STX1A: variants seen among roughly 807,000 people sequenced by gnomAD.
STX1A encodes the protein syntaxin-1A.
STX1A carries 4 observed loss-of-function variants against 37.8 expected under a neutral mutation model. The observed-to-expected ratio is 0.11, with a 90% CI of 0.05 to 0.24. The LOEUF is 0.24. Among genes scored for constraint, STX1A ranks in the 10% least tolerant of loss-of-function variants. The probability of loss-of-function intolerance (pLI) is 1.00; values close to 1 mark genes in which losing one functional copy is unlikely to be tolerated. For missense variants in STX1A, 251 were observed against 399.9 expected (o/e 0.63, Z 3.18); for synonymous variants, 135 against 147.4 (o/e 0.92, Z 0.61).
In STX1A at chr7:73,717,114, C is replaced by T. The variant is rs1180134102; in HGVS notation, c.30+2488G>A. 1.3e-5 allele frequency among the ~76,000 whole-genome samples: 2 copies of T among 151,984 alleles called. No homozygotes were observed. Among genetic ancestry groups the T allele is most frequent in the Non-Finnish European group, 2.9e-5 (2 of 68,020 alleles). Reference sequence around the variant, plus strand: ...GCAGAGTGAGGAAACGCGCCAGCTCCTTCCCCAAGTGTGACTTTTATAAAT... The same window carrying T: ...GCAGAGTGAGGAAACGCGCCAGCTCTTTCCCCAAGTGTGACTTTTATAAAT... On this transcript the variant is annotated intron_variant, in intron 1 of 9. Transcript: ENST00000222812. This position sits in a 1 kb window ranked among gnomAD's most constrained non-coding sequence, Gnocchi z 4.1.
At chr7:73,712,534 A>G (rs1166631617) in intron 1 of STX1A, among the ~76,000 whole-genome samples, 5 of 152,050 alleles carry the variant, frequency 3.3e-5, no homozygotes, top group African/African-American at 1.2e-4. Flanking sequence ...TATTGGAGCC[A>G]TGGCTGAAAA....
Position 73,707,963 on chromosome 7 carries a change from A to G in STX1A, c.208+626T>C, listed in dbSNP as rs188332081. Among the ~76,000 whole-genome samples, 38 of 145,160 alleles carry G rather than the reference A, an allele frequency of 2.6e-4. No individual in the cohort carries two copies. The East Asian group carries it at 3.9e-3, about 15-fold the overall frequency. On this transcript the variant is annotated intron_variant, in intron 3 of 9. Transcript: ENST00000222812. ...AAAAAAAAAAAGAAAAAAGAAAAGA[A>G]AAAAGGAAAAAAGCCAGTTCGGCTG...
chr7:73,704,429 G>A lies in STX1A; in HGVS notation c.284-6C>T. On this transcript the variant is annotated splice_region_variant and splice_polypyrimidine_tract_variant and intron_variant, in intron 4 of 9. Coordinates refer to ENST00000222812, the MANE Select transcript of STX1A (RefSeq NM_004603.4). ...CTCGATGGACTGCTCGATGCCTGGG[G>A]GCACAGGTGGCTGCTAAGTCATAAC... is the stretch of plus-strand genomic sequence containing the variant. 6.2e-7 allele frequency: 1 copy of A among 1,614,110 alleles called. No homozygotes were observed. The highest frequency in any genetic ancestry group is 8.5e-7 in the Non-Finnish European group (1 of 1,180,020).
In STX1A at chr7:73,700,574, G is replaced by T. The variant is rs1196816141; in HGVS notation, c.790-90C>A. 2 of 1,537,172 alleles carry T rather than the reference G, an allele frequency of 1.3e-6. No individual in the cohort carries two copies. Among genetic ancestry groups the T allele is most frequent in the South Asian group, 1.2e-5 (1 of 86,038 alleles). ...CAAAGGCTGAGGACTGGACAGTCGG[G>T]GGGGATCCAAGCAGGGGAAGGTGAC... On this transcript the variant is annotated intron_variant, in intron 9 of 9. Transcript: ENST00000222812. The surrounding 1 kb of genome is among the most constrained non-coding windows in gnomAD (Gnocchi z 4.4).
rs1013774522 is a variant in STX1A at position 73,707,700 on chromosome 7, G to A, written c.208+889C>T. 5.3e-5 allele frequency among the ~76,000 whole-genome samples: 8 copies of A among 152,262 alleles called. No homozygotes were observed. The East Asian group carries it at 1.2e-3, about 22-fold the overall frequency. ...TGTAATCCCAGCACTTTGGGAGGCCGAGGCGGGCGGATCACCTGAGGTCGG... is the reference window on the plus strand; with the variant it reads ...TGTAATCCCAGCACTTTGGGAGGCCAAGGCGGGCGGATCACCTGAGGTCGG... On this transcript the variant is annotated intron_variant, in intron 3 of 9. Coordinates refer to ENST00000222812, the MANE Select transcript of STX1A (RefSeq NM_004603.4).
At position 73,706,419 on chromosome 7, in the gene STX1A, G is replaced by A. The variant is rs1040848502; in HGVS notation, c.209-1195C>T. Reference sequence around the variant, plus strand: ...GAGGCAGAGCCTGCCTTGCCCGGGAGAGCCCCCCACTCATTGCCATCTTTC... The same window carrying A: ...GAGGCAGAGCCTGCCTTGCCCGGGAAAGCCCCCCACTCATTGCCATCTTTC... On this transcript the variant is annotated intron_variant, in intron 3 of 9. Coordinates refer to ENST00000222812, the MANE Select transcript of STX1A (RefSeq NM_004603.4). This position sits in a 1 kb window ranked among gnomAD's most constrained non-coding sequence, Gnocchi z 4.6. Among the ~76,000 whole-genome samples the A allele has an allele frequency of 2.0e-5, 3 of 152,116 alleles. No homozygotes were observed. Among genetic ancestry groups the A allele is most frequent in the Admixed American group, 2.0e-4 (3 of 15,280 alleles).
rs2116745650 is a variant in STX1A, at chr7:73,706,840, A to G, written c.209-1616T>C. On this transcript the variant is annotated intron_variant, in intron 3 of 9. Coordinates refer to ENST00000222812, the MANE Select transcript of STX1A (RefSeq NM_004603.4). The surrounding 1 kb of genome is among the most constrained non-coding windows in gnomAD (Gnocchi z 4.6). ...AGACATCCGTCTCATGCTGCCATCC[A>G]ACAAATCTCTCAGGCAAGGAGCTCA... 6.6e-6 allele frequency among the ~76,000 whole-genome samples: 1 copy of G among 152,228 alleles called. No individual in the cohort carries two copies. The highest frequency in any genetic ancestry group is 2.1e-4 in the South Asian group (1 of 4,818).
intron 1 of STX1A, among the ~76,000 whole-genome samples, chr7:73,714,882 C>T (rs1001769417): frequency 2.0e-5 from 3 of 151,756 alleles, no homozygotes; most frequent in Non-Finnish European, 4.4e-5. Flanking sequence ...CCCAGCACTT[C>T]GGGAGGCCAA....
chr7:73,708,715 A>G (rs1798980029), intron 2 of STX1A, 27 bp from the exon 3 acceptor site: 2 of 1,608,826 alleles, frequency 1.2e-6, no homozygotes, highest in Non-Finnish European at 1.7e-6. Flanking sequence ...GGTGGTCAGG[A>G]GAAGGAAATC....
chr7:73,708,429 T>TC (rs1315378483), intron 3 of STX1A, among the ~76,000 whole-genome samples, 160 bp downstream of exon 3: 3 of 151,998 alleles, frequency 2.0e-5, no homozygotes, highest in African/African-American at 7.2e-5. Context: ...CAGCTGCATT[T>TC]CCCAAGGCTT....
chr7:73,708,894 T>C (rs1554617519), intron 2 of STX1A, 151 bp downstream of exon 2: 4 of 960,344 alleles, frequency 4.2e-6, no homozygotes, highest in South Asian at 2.8e-5. Context: ...TGAGCTTCCA[T>C]CTATTCACCC....
intron 8 of STX1A, among the ~76,000 whole-genome samples, chr7:73,701,482 A>G (rs1798652014): frequency 6.6e-6 from 1 of 151,922 alleles, no homozygotes; most frequent in Non-Finnish European, 1.5e-5. Flanking sequence ...AAATCCTGCC[A>G]CTGCACTCCA....
chr7:73,704,481 C>A, intron 4 of STX1A, 58 bp from the exon 5 acceptor site: 1 of 1,601,892 alleles, frequency 6.2e-7, no homozygotes, highest in Non-Finnish European at 8.5e-7. Flanking sequence ...CGTCCCCTAC[C>A]CGCACACCCA....
chr7:73,703,767 G>T lies in STX1A; in HGVS notation c.528C>A (p.Ile176=). 1 of 1,613,876 alleles carries T rather than the reference G, an allele frequency of 6.2e-7. No individual in the cohort carries two copies. Among genetic ancestry groups the T allele is most frequent in the East Asian group, 2.2e-5 (1 of 44,888 alleles). ...EDMLESGNPA[I]FASGIIMDSS... is the part of the protein sequence containing the mutation. The stretch of plus-strand genomic sequence containing the variant: ...GGCCTACACTCACCCCAGAGGCAAA[G>T]ATGGCGGGGTTCCCACTCTCCAGCA... Residue 176 remains isoleucine, a synonymous_variant, in exon 7 of 10, where the codon ATC becomes ATA. Coordinates refer to ENST00000222812, the MANE Select transcript of STX1A (RefSeq NM_004603.4).
chr7:73,701,798 A>C (rs1160421615), intron 8 of STX1A, among the ~76,000 whole-genome samples: 3 of 152,068 alleles, frequency 2.0e-5, no homozygotes, highest in Non-Finnish European at 4.4e-5. Context: ...TACTTAACAC[A>C]TTCCAACCTG....
At chr7:73,713,085 G>A (rs1799161605) in intron 1 of STX1A, among the ~76,000 whole-genome samples, 1 of 152,174 alleles carries the variant, frequency 6.6e-6, no homozygotes, top group East Asian at 1.9e-4. Context: ...TTTGGGGTTC[G>A]AGTGAAGGAC....
chr7:73,701,826 A>T (rs962839092), intron 8 of STX1A, among the ~76,000 whole-genome samples: 4 of 152,152 alleles, frequency 2.6e-5, no homozygotes, highest in African/African-American at 9.7e-5. Flanking sequence ...GCTGTGGCTC[A>T]CATCTATGAT....
chr7:73,708,958 G>A (rs1053569599), intron 2 of STX1A, 87 bp downstream of exon 2: 3 of 1,445,826 alleles, frequency 2.1e-6, no homozygotes, highest in Non-Finnish European at 1.9e-6. Context: ...GTGCAGGTGT[G>A]AAAGAGCACT....
chr7:73,706,335 C>T lies in STX1A; in HGVS notation c.209-1111G>A, dbSNP rs569141266. Among the ~76,000 whole-genome samples the T allele has an allele frequency of 2.6e-5, 4 of 152,190 alleles. No homozygotes were observed. Among genetic ancestry groups the T allele is most frequent in the African/African-American group, 9.7e-5 (4 of 41,448 alleles). Reference sequence around the variant, plus strand: ...AAAAGTCGGTTACCAGCTGCTCTGACGTCTCAGCCTCTTTTGCTCAGACCC... The same window carrying T: ...AAAAGTCGGTTACCAGCTGCTCTGATGTCTCAGCCTCTTTTGCTCAGACCC... On this transcript the variant is annotated intron_variant, in intron 3 of 9. Coordinates refer to ENST00000222812, the MANE Select transcript of STX1A (RefSeq NM_004603.4). The surrounding 1 kb of genome is among the most constrained non-coding windows in gnomAD (Gnocchi z 4.6).
Sources: allele counts gnomAD v4.1 joint callset (sites outside exome capture counted in the v4.1 genomes callset), GRCh38; gene constraint gnomAD v4.1.1; non-coding constraint Gnocchi (gnomAD v3.1); transcripts MANE v1.5; gene names NCBI Gene and HGNC (gene_info 2026-07-23, HGNC 2026-07-21).